Variants in ZDHHC13 observed in about 807,000 individuals in gnomAD.
ZDHHC13 encodes zDHHC palmitoyltransferase 13.
A neutral mutation model predicts 86.0 loss-of-function variants in ZDHHC13; 85 were observed. The ratio of observed to expected loss-of-function variants is 0.99; its 90% CI spans 0.83 to 1.18. The LOEUF is 1.18. ZDHHC13 is among the 50% of genes most tolerant of loss of function. The pLI, the probability that ZDHHC13 is intolerant of heterozygous loss-of-function variation, is 0.00. For missense variants in ZDHHC13, 711 were observed against 730.2 expected (o/e 0.97, Z 0.30); for synonymous variants, 263 against 246.4 (o/e 1.07, Z -0.63).
At chr11:19,166,950 G>C (rs973178902) in intron 14 of ZDHHC13, 1 of 152,370 alleles carries the variant, frequency 6.6e-6, no homozygotes, top group African/African-American at 2.4e-5. Flanking sequence ...GTTTAAAAAA[G>C]TATATAGGGG....
rs1042498649 is a variant in ZDHHC13, at chr11:19,166,336, G to T, written c.1425G>T (p.Leu475Phe). 1.2e-6 allele frequency: 2 copies of T among 1,611,832 alleles called. No individual in the cohort carries two copies. Among genetic ancestry groups the T allele is most frequent in the Non-Finnish European group, 1.7e-6 (2 of 1,179,266 alleles). ...ACCATCACTATTACATATTCTTCTT[G>T]TTTTTCCTTTCCATGGTATGTGGCT... ...FGNHHYYIFF[L>F]FFLSMVCGWI... Residue 475 changes from leucine (L) to phenylalanine (F), a missense_variant, in exon 14 of 17, where the codon TTG becomes TTT. Leu to Phe is a conservative substitution (Grantham distance 22). Coordinates refer to ENST00000446113, the MANE Select transcript of ZDHHC13 (RefSeq NM_019028.3).
intron 1 of ZDHHC13, among the ~76,000 whole-genome samples, chr11:19,142,298 C>T (rs77645988): frequency 2.0e-5 from 3 of 152,148 alleles, no homozygotes; most frequent in East Asian, 1.9e-4. Context: ...CACAGGCCCT[C>T]GCATATCATG....
Position 19,165,146 on chromosome 11 carries a change from G to A in ZDHHC13, c.1390+1G>A, listed in dbSNP as rs765970534. The A allele has an allele frequency of 3.1e-6, 5 of 1,609,378 alleles. No individual in the cohort carries two copies. The highest frequency in any genetic ancestry group is 4.2e-6 in the Non-Finnish European group (5 of 1,177,826). On this transcript the variant is annotated splice_donor_variant, in intron 13 of 16. Transcript: ENST00000446113. LOFTEE classifies it high-confidence loss of function. The stretch of plus-strand genomic sequence containing the variant: ...TGCCTGTGGACTGGACGGTGCATAG[G>A]TGAGAGATTTAATTTTTCAATTACT...
intron 14 of ZDHHC13, chr11:19,169,994 G>T (rs766369029): frequency 7.4e-4 from 739 of 1,003,274 alleles, no homozygotes; most frequent in Non-Finnish European, 7.9e-4. Context: ...TGTGCCCACA[G>T]CAATGGCCTG....
rs886327697 is a variant in ZDHHC13 at position 19,142,884 on chromosome 11, A to G, written c.28-94A>G. The G allele has an allele frequency of 2.8e-5, 36 of 1,306,060 alleles. No individual in the cohort carries two copies. In the Admixed American group the frequency reaches 9.0e-4, roughly 33 times the overall value. 80.9% of individuals were successfully genotyped at this position (1,306,060 alleles called of 1,614,324 possible). ...AAACTCCAAAAAATGTAATTTATTA[A>G]TATAGATATTGTTGATAGTAGCAAA... On this transcript the variant is annotated intron_variant, in intron 1 of 16. Transcript: ENST00000446113.
chr11:19,166,264 C>T (rs374208860), intron 13 of ZDHHC13, 38 bp from the exon 14 acceptor site: 82 of 1,543,094 alleles, frequency 5.3e-5, no homozygotes, highest in Admixed American at 1.1e-4. Context: ...TCAGAAGAAA[C>T]GAAAATATTA....
At chr11:19,170,678 C>T in intron 15 of ZDHHC13, 110 bp downstream of exon 15, 1 of 1,075,452 alleles carries the variant, frequency 9.3e-7, no homozygotes, top group South Asian at 1.6e-5. Context: ...ACCTCTGTCA[C>T]TGACTCTGTG....
intron 14 of ZDHHC13, chr11:19,169,965 A>G: frequency 1.0e-6 from 1 of 995,802 alleles, no homozygotes; most frequent in Non-Finnish European, 1.2e-6. Context: ...GATGATATCT[A>G]GGTGCTTGTG....
chr11:19,138,239 C>T (rs1849204403), intron 1 of ZDHHC13, among the ~76,000 whole-genome samples: 1 of 151,428 alleles, frequency 6.6e-6, no homozygotes, highest in Non-Finnish European at 1.5e-5. Flanking sequence ...ATATCACCAC[C>T]AATCCCACAG....
chr11:19,123,869 A>T (rs1848810336), intron 1 of ZDHHC13, among the ~76,000 whole-genome samples: 1 of 152,184 alleles, frequency 6.6e-6, no homozygotes, highest in African/African-American at 2.4e-5. Flanking sequence ...TAGCCATCAA[A>T]GTGTCAAGGT....
At chr11:19,172,673 T>C (rs1850254587) in intron 15 of ZDHHC13, 50 bp from the exon 16 acceptor site, 2 of 1,418,868 alleles carry the variant, frequency 1.4e-6, no homozygotes, top group South Asian at 2.6e-5. Context: ...GTTTTATTTA[T>C]CTAAAAGTTG....
At chr11:19,159,958 A>C (rs1849864861) in intron 10 of ZDHHC13, among the ~76,000 whole-genome samples, 1 of 151,972 alleles carries the variant, frequency 6.6e-6, no homozygotes, top group Non-Finnish European at 1.5e-5. Flanking sequence ...AGAAGAAGGA[A>C]TGTTGTAGAT....
intron 1 of ZDHHC13, among the ~76,000 whole-genome samples, chr11:19,120,118 C>T (rs1364829859): frequency 6.6e-6 from 1 of 152,150 alleles, no homozygotes; most frequent in Non-Finnish European, 1.5e-5. Flanking sequence ...ATTACATGAT[C>T]CCTCAGAGCT....
chr11:19,170,137 G>A, intron 14 of ZDHHC13: 4 of 1,254,206 alleles, frequency 3.2e-6, no homozygotes, highest in South Asian at 4.4e-5. Flanking sequence ...GCTGAATGCT[G>A]ATTTTAGTAA....
At chr11:19,135,034 T>G (rs970119545) in intron 1 of ZDHHC13, among the ~76,000 whole-genome samples, 1 of 151,980 alleles carries the variant, frequency 6.6e-6, no homozygotes, top group Non-Finnish European at 1.5e-5. Flanking sequence ...CCCCTCCCAA[T>G]AAATAAATAC....
At chr11:19,156,436 G>C (rs1195252448) in intron 9 of ZDHHC13, among the ~76,000 whole-genome samples, 2 of 152,038 alleles carry the variant, frequency 1.3e-5, no homozygotes, top group African/African-American at 4.8e-5. Flanking sequence ...TAATGGTTAA[G>C]AGTCAGACTG....
At chr11:19,118,428 A>G (rs567752679) in intron 1 of ZDHHC13, among the ~76,000 whole-genome samples, 1 of 152,372 alleles carries the variant, frequency 6.6e-6, no homozygotes, top group East Asian at 1.9e-4. Context: ...TCTCAGGCAG[A>G]CTGGATTTTA....
intron 13 of ZDHHC13, 56 bp downstream of exon 13, chr11:19,165,201 G>C (rs1850027600): frequency 6.5e-7 from 1 of 1,535,722 alleles, no homozygotes; most frequent in Non-Finnish European, 8.8e-7. Context: ...GTTTAGTTAT[G>C]ACTCACAGAA....
chr11:19,130,097 A>AG, intron 1 of ZDHHC13, among the ~76,000 whole-genome samples: 3 of 152,232 alleles, frequency 2.0e-5, no homozygotes, highest in East Asian at 3.9e-4. Flanking sequence ...TAAAAAAAAA[A>AG]GAGCTGGGAA....
Sources: gnomAD v4.1 joint callset for allele counts (sites outside exome capture counted in the v4.1 genomes callset) on GRCh38, gnomAD v4.1.1 for gene constraint, MANE v1.5 for transcripts, NCBI Gene and HGNC (gene_info 2026-07-23, HGNC 2026-07-21) for gene names.